PPFIBP2: variants seen among roughly 807,000 people sequenced by gnomAD.
The protein encoded by PPFIBP2 is liprin-beta-2.
Under a neutral mutation model 118.3 loss-of-function variants are expected in PPFIBP2, and 118 were observed. The observed-to-expected ratio is 1.00, with a 90% CI of 0.86 to 1.16. The LOEUF is 1.16. PPFIBP2 is among the 50% of genes most tolerant of loss of function. PPFIBP2 has a pLI of 0.00. For synonymous variants in PPFIBP2, 414 were observed against 397.4 expected (o/e 1.04, Z -0.50); for missense variants, 1,195 against 1,073.1 (o/e 1.11, Z -1.59).
intron 1 of PPFIBP2, among the ~76,000 whole-genome samples, chr11:7,545,461 ATCACAT>A (rs1317907268): frequency 6.6e-6 from 1 of 152,212 alleles, no homozygotes; most frequent in African/African-American, 2.4e-5. Flanking sequence ...AAAACAAAAA[ATCACAT>A]TCACATAATG....
chr11:7,611,326 T>C lies in PPFIBP2; in HGVS notation c.618+904T>C, dbSNP rs564735479. On this transcript the variant is annotated intron_variant, in intron 6 of 23. Coordinates refer to ENST00000299492, the MANE Select transcript of PPFIBP2 (RefSeq NM_003621.5). Reference sequence around the variant, plus strand: ...TAGTATTTGGCATTTTGTGAGCACCTGGTATGTCTTCATCTCCTTCCTTCA... The same window carrying C: ...TAGTATTTGGCATTTTGTGAGCACCCGGTATGTCTTCATCTCCTTCCTTCA... Among the ~76,000 whole-genome samples the C allele has an allele frequency of 2.4e-5, 3 of 126,108 alleles. No homozygotes were observed. In the South Asian group the frequency reaches 6.8e-4, roughly 29 times the overall value. The allele number at this position is 126,108 out of a possible 152,430, so 82.7% of individuals were successfully genotyped here.
rs747023490 is a variant in PPFIBP2 at position 7,651,705 on chromosome 11, T to TC, written c.2303dup (p.Gln769ThrfsTer22). The TC allele has an allele frequency of 4.3e-6, 7 of 1,612,964 alleles. No individual in the cohort carries two copies. The highest frequency in any genetic ancestry group is 5.9e-6 in the Non-Finnish European group (7 of 1,179,324). ...GACACCCTGGCTATGCTTCTCAACA[T>TC]CCCCCCACAAAAGACGCTCCTCAGG... On this transcript the variant is annotated frameshift_variant, in exon 23 of 24. Transcript: ENST00000299492. LOFTEE classifies it high-confidence loss of function.
chr11:7,565,626 C>T lies in PPFIBP2; in HGVS notation c.138C>T (p.Asn46=), dbSNP rs749974009. The change falls in exon 3 of 24, where the codon AAC becomes AAT. Residue 46 remains asparagine, a synonymous_variant. Coordinates refer to ENST00000299492, the MANE Select transcript of PPFIBP2 (RefSeq NM_003621.5). ...PGLASPASYM[N]PFPVLHLIED... is the part of the protein sequence containing the mutation. ...TGGCTTCCCCGGCCTCCTACATGAA[C>T]CCCTTCCCGGTGCTCCATCTCATCG... The T allele has an allele frequency of 9.3e-6, 15 of 1,614,196 alleles. No individual in the cohort carries two copies. The highest frequency in any genetic ancestry group is 1.3e-5 in the African/African-American group (1 of 75,042).
At chr11:7,663,395 G>A in the PPFIBP2 span, among the ~76,000 whole-genome samples, 1 of 151,790 alleles carries the variant, frequency 6.6e-6, no homozygotes. Flanking sequence ...AGGTCTGTTG[G>A]AATACCCTGC....
chr11:7,534,050 T>C (rs1850984770), intron 1 of PPFIBP2, among the ~76,000 whole-genome samples: 1 of 152,214 alleles, frequency 6.6e-6, no homozygotes, highest in Non-Finnish European at 1.5e-5. Flanking sequence ...ATGATGAGGT[T>C]CTAAACTGTG....
At chr11:7,578,329 G>A (rs764181778) in intron 3 of PPFIBP2, among the ~76,000 whole-genome samples, 1 of 152,214 alleles carries the variant, frequency 6.6e-6, no homozygotes, top group African/African-American at 2.4e-5. Context: ...ATTTTCACAC[G>A]AAGGGATTTT....
chr11:7,662,709 G>C, the PPFIBP2 span, among the ~76,000 whole-genome samples: 2 of 149,522 alleles, frequency 1.3e-5, no homozygotes, highest in Non-Finnish European at 3.0e-5. Flanking sequence ...TGCTAGATTG[G>C]GGAAGTTCTC....
At chr11:7,574,305 G>C (rs2134861777) in intron 3 of PPFIBP2, among the ~76,000 whole-genome samples, 1 of 152,224 alleles carries the variant, frequency 6.6e-6, no homozygotes, top group East Asian at 1.9e-4. Context: ...GCTTCCTGAG[G>C]ACTTCTGTCT....
intron 3 of PPFIBP2, chr11:7,573,872 A>T (rs917694285): frequency 2.0e-5 from 3 of 152,284 alleles, no homozygotes; most frequent in Non-Finnish European, 2.9e-5. Flanking sequence ...GTGATAGGTC[A>T]GTGGAACAGC....
intron 7 of PPFIBP2, among the ~76,000 whole-genome samples, chr11:7,624,125 G>C (rs1356098799): frequency 2.0e-5 from 3 of 152,174 alleles, no homozygotes; most frequent in African/African-American, 7.2e-5. Flanking sequence ...AGAAACCCTT[G>C]CGGTGGGCTG....
chr11:7,568,795 G>A (rs562574171), intron 3 of PPFIBP2: 1 of 152,310 alleles, frequency 6.6e-6, no homozygotes, highest in African/African-American at 2.4e-5. Flanking sequence ...AAAAGGATCT[G>A]ATTGACCCAG....
At chr11:7,660,416 T>C (rs986959665), downstream of PPFIBP2, among the ~76,000 whole-genome samples, 2 of 138,532 alleles carry the variant, frequency 1.4e-5, no homozygotes, top group African/African-American at 5.0e-5. Flanking sequence ...TCGTGGTTTT[T>C]GTCCTTGGCT....
Position 7,649,164 on chromosome 11 carries a change from G to A in PPFIBP2, c.1927G>A (p.Gly643Ser), listed in dbSNP as rs774274679. ...IWVTRWLDDI[G>S]LPQYKDQFHE... ...ATTTGTAGGGTGGCTTGATGATATTGGCTTACCCCAGTACAAAGACCAGTT... is the reference window on the plus strand; with the variant it reads ...ATTTGTAGGGTGGCTTGATGATATTAGCTTACCCCAGTACAAAGACCAGTT... The change falls in exon 20 of 24, where the codon GGC becomes AGC. Residue 643 changes from glycine (G) to serine (S), a missense_variant. Physicochemically the swap from Gly to Ser is moderately conservative, Grantham distance 56. Coordinates refer to ENST00000299492, the MANE Select transcript of PPFIBP2 (RefSeq NM_003621.5). 5.0e-6 allele frequency: 8 copies of A among 1,613,832 alleles called. No individual in the cohort carries two copies. In the Admixed American group the frequency reaches 1.3e-4, roughly 27 times the overall value.
At chr11:7,624,920 G>C (rs1849785557) in intron 7 of PPFIBP2, among the ~76,000 whole-genome samples, 2 of 152,312 alleles carry the variant, frequency 1.3e-5, no homozygotes, top group Non-Finnish European at 2.9e-5. Flanking sequence ...ATCAAGGTTT[G>C]TTTGACTCCA....
intron 1 of PPFIBP2, among the ~76,000 whole-genome samples, chr11:7,538,111 T>A (rs1165473630): frequency 6.6e-6 from 1 of 152,176 alleles, no homozygotes; most frequent in Non-Finnish European, 1.5e-5. Flanking sequence ...TTCTTAGTGT[T>A]CCTGAAGCCC....
intron 6 of PPFIBP2, chr11:7,610,636 CT>C: frequency 2.0e-6 from 1 of 509,224 alleles, no homozygotes; most frequent in Non-Finnish European, 3.4e-6. Context: ...GGCTCTAAGG[CT>C]TTATCTGCCC....
chr11:7,610,628 C>A, intron 6 of PPFIBP2: 1 of 587,304 alleles, frequency 1.7e-6, no homozygotes. Context: ...CCAGTTTTGG[C>A]TCTAAGGCTT....
chr11:7,629,733 C>G (rs1236384901), intron 10 of PPFIBP2, among the ~76,000 whole-genome samples, 199 bp downstream of exon 10: 4 of 152,192 alleles, frequency 2.6e-5, no homozygotes, highest in Admixed American at 6.5e-5. Flanking sequence ...AAATGGAAGT[C>G]AGCTTAGGGC....
intron 4 of PPFIBP2, among the ~76,000 whole-genome samples, chr11:7,594,082 A>G (rs963433820): frequency 3.3e-5 from 5 of 152,192 alleles, no homozygotes; most frequent in Admixed American, 6.5e-5. Context: ...AACCCACCCC[A>G]GGCTATGGGC....
Sources: allele counts gnomAD v4.1 joint callset (sites outside exome capture counted in the v4.1 genomes callset), GRCh38; gene constraint gnomAD v4.1.1; transcripts MANE v1.5; gene names NCBI Gene and HGNC (gene_info 2026-07-23, HGNC 2026-07-21).